Variants in KDM3B observed in about 807,000 individuals in gnomAD.
KDM3B encodes the protein lysine-specific demethylase 3B.
Under a neutral mutation model 170.0 loss-of-function variants are expected in KDM3B, and 10 were observed. The ratio of observed to expected loss-of-function variants is 0.06; its 90% CI spans 0.04 to 0.10. The LOEUF is 0.10. Among genes scored for constraint, KDM3B ranks in the 10% least tolerant of loss-of-function variants. The pLI is 1.00. For missense variants in KDM3B, 1,394 were observed against 2,195.2 expected, an observed-to-expected ratio of 0.64 and a Z score of 7.29; for synonymous variants, 831 against 834.8, an observed-to-expected ratio of 1.00 and a Z score of 0.08.
At chr5:138,408,865 A>C (rs530282440) in intron 11 of KDM3B, among the ~76,000 whole-genome samples, 3 of 152,312 alleles carry the variant, frequency 2.0e-5, no homozygotes, top group Non-Finnish European at 4.4e-5. Context: ...CATCAGGTGA[A>C]AATTGGCTCT....
intron 1 of KDM3B, among the ~76,000 whole-genome samples, chr5:138,362,901 T>C (rs1354853007): frequency 4.0e-5 from 6 of 149,920 alleles, no homozygotes; most frequent in Non-Finnish European, 5.9e-5. Context: ...CCAATAATTA[T>C]TTCTATAATT....
chr5:138,377,142 G>A (rs1762020174), intron 3 of KDM3B, among the ~76,000 whole-genome samples: 1 of 152,136 alleles, frequency 6.6e-6, no homozygotes, highest in Non-Finnish European at 1.5e-5. Context: ...TTCCCTCTCA[G>A]CAACCTTGCT....
intron 17 of KDM3B, 138 bp from the exon 18 acceptor site, chr5:138,426,837 C>G: frequency 3.2e-6 from 2 of 622,396 alleles, no homozygotes; most frequent in Non-Finnish European, 5.5e-6. Context: ...CACTGCAGCC[C>G]GGGTGACAGA....
At chr5:138,371,747 T>G (rs965108921) in intron 1 of KDM3B, among the ~76,000 whole-genome samples, 1 of 152,146 alleles carries the variant, frequency 6.6e-6, no homozygotes, top group Non-Finnish European at 1.5e-5. Flanking sequence ...GGAGGATCAC[T>G]TGAGCCCAGA....
chr5:138,378,452 T>G (rs770287639), intron 4 of KDM3B, among the ~76,000 whole-genome samples: 8 of 152,240 alleles, frequency 5.3e-5, no homozygotes, highest in African/African-American at 1.9e-4. Context: ...ATGAAAAAAA[T>G]TATTAGCTTT....
At chr5:138,385,127 T>C (rs1762226340) in intron 6 of KDM3B, among the ~76,000 whole-genome samples, 1 of 152,008 alleles carries the variant, frequency 6.6e-6, no homozygotes, top group Admixed American at 6.6e-5. Context: ...GTTCAAGTGA[T>C]TCTCCTGCAT....
chr5:138,414,668 C>T (rs1246972056), intron 11 of KDM3B, among the ~76,000 whole-genome samples: 2 of 152,092 alleles, frequency 1.3e-5, no homozygotes, highest in Non-Finnish European at 2.9e-5. Context: ...ATAAATTATA[C>T]CTTAGGTTGG....
intron 7 of KDM3B, among the ~76,000 whole-genome samples, chr5:138,390,105 C>T (rs1762390749): frequency 6.6e-6 from 1 of 151,988 alleles, no homozygotes. Flanking sequence ...GTGATCCGCC[C>T]ATGTCAGCCT....
chr5:138,359,459 C>G (rs1393462511), intron 1 of KDM3B, among the ~76,000 whole-genome samples: 1 of 148,946 alleles, frequency 6.7e-6, no homozygotes, highest in Non-Finnish European at 1.5e-5. Flanking sequence ...ACCGTGCCCC[C>G]CCCACCTTTT....
intron 11 of KDM3B, among the ~76,000 whole-genome samples, chr5:138,407,572 A>G (rs905102130): frequency 2.6e-5 from 4 of 152,068 alleles, no homozygotes; most frequent in African/African-American, 7.2e-5. Context: ...ACCCCAGACA[A>G]CGTAGCTGCT....
chr5:138,361,382 G>A (rs1337681341), intron 1 of KDM3B, among the ~76,000 whole-genome samples: 1 of 151,260 alleles, frequency 6.6e-6, no homozygotes. Flanking sequence ...AGGTAATCAG[G>A]CTCTAGGGGA....
intron 11 of KDM3B, among the ~76,000 whole-genome samples, chr5:138,412,334 T>G (rs1762991869): frequency 6.7e-6 from 1 of 149,012 alleles, no homozygotes; most frequent in African/African-American, 2.5e-5. Flanking sequence ...AGACCCCGTC[T>G]CCAAAAAAAA....
In KDM3B at chr5:138,426,616, C is replaced by T. The variant is rs1022295636; in HGVS notation, c.4412-359C>T. 1.5e-4 allele frequency: 27 copies of T among 181,560 alleles called. No homozygotes were observed. The East Asian group carries it at 2.0e-3, about 13-fold the overall frequency. The allele number at this position is 181,560 out of a possible 1,614,324, so 11.2% of individuals were successfully genotyped here. A position where few individuals can be genotyped will look rare whatever the true frequency, so the allele number is the denominator to read the frequency against. On this transcript the variant is annotated intron_variant, in intron 17 of 23. Transcript: ENST00000314358. ...AAAAAGATTAGTCTCCTAGGCTGGG[C>T]GCAGTGCCTTACGCCTGTAATCCCA...
intron 11 of KDM3B, among the ~76,000 whole-genome samples, chr5:138,405,897 G>C (rs989465391): frequency 5.9e-5 from 9 of 152,150 alleles, no homozygotes; most frequent in African/African-American, 1.9e-4. Flanking sequence ...AATATTTGAA[G>C]ATAGACTTTG....
At chr5:138,384,311 G>A (rs951377376) in intron 6 of KDM3B, among the ~76,000 whole-genome samples, 2 of 150,618 alleles carry the variant, frequency 1.3e-5, no homozygotes, top group Non-Finnish European at 3.0e-5. Context: ...TGAATGAAAG[G>A]TTTAGAGGCT....
intron 16 of KDM3B, among the ~76,000 whole-genome samples, chr5:138,424,613 C>T (rs1011957451): frequency 1.3e-5 from 2 of 152,018 alleles, no homozygotes; most frequent in Non-Finnish European, 1.5e-5. Flanking sequence ...CCTGTCTCTA[C>T]TAAAAATACA....
chr5:138,373,310 G>A (rs1580887085), intron 2 of KDM3B, among the ~76,000 whole-genome samples: 1 of 151,976 alleles, frequency 6.6e-6, no homozygotes, highest in Admixed American at 6.6e-5. Context: ...ACTGCATCCA[G>A]CCTGGGGGAC....
rs774808891 is a variant in KDM3B, at chr5:138,435,616, C to G, written c.5206-4C>G. ...GAACTGACTTTGCTGTACACCTTCT[C>G]TAGGTGAAGAACATCATTTACCATG... On this transcript the variant is annotated splice_region_variant and splice_polypyrimidine_tract_variant and intron_variant, in intron 23 of 23. Transcript: ENST00000314358. 2 of 1,613,008 alleles carry G rather than the reference C, an allele frequency of 1.2e-6. No homozygotes were observed. Among genetic ancestry groups the G allele is most frequent in the Middle Eastern group, 1.7e-4 (1 of 6,060 alleles).
At chr5:138,385,381 C>T (rs532091971) in intron 6 of KDM3B, among the ~76,000 whole-genome samples, 5 of 152,278 alleles carry the variant, frequency 3.3e-5, no homozygotes, top group Admixed American at 6.5e-5. Context: ...TACAGGCATA[C>T]GCCACCACAC....
Sources: allele counts gnomAD v4.1 joint callset (sites outside exome capture counted in the v4.1 genomes callset), GRCh38; gene constraint gnomAD v4.1.1; transcripts MANE v1.5; gene names NCBI Gene and HGNC (gene_info 2026-07-23, HGNC 2026-07-21).